The following MAPK8 variants were observed in gnomAD, a reference collection of about 807,000 sequenced individuals.
MAPK8 encodes the protein mitogen-activated protein kinase 8.
Under a neutral mutation model 52.9 loss-of-function variants are expected in MAPK8, and 13 were observed. The ratio of observed to expected loss-of-function variants is 0.25; its 90% CI spans 0.16 to 0.39. The LOEUF (loss-of-function observed/expected upper bound fraction) is 0.39. MAPK8 is among the 10% of genes least tolerant of loss of function. The pLI, the probability that MAPK8 is intolerant of heterozygous loss-of-function variation, is 1.00. For synonymous variants in MAPK8, 191 were observed against 169.8 expected (o/e 1.12, Z -0.97); for missense variants, 300 against 519.2 (o/e 0.58, Z 4.10).
intron 1 of MAPK8, among the ~76,000 whole-genome samples, chr10:48,359,286 A>C (rs1377672881): frequency 6.6e-6 from 1 of 152,158 alleles, no homozygotes; most frequent in African/African-American, 2.4e-5. Context: ...CAGCGGATCC[A>C]CAGGTTTTCA....
intron 1 of MAPK8, among the ~76,000 whole-genome samples, chr10:48,344,814 A>G (rs2132370679): frequency 6.6e-6 from 1 of 152,320 alleles, no homozygotes; most frequent in African/African-American, 2.4e-5. Flanking sequence ...AGACAAGGAA[A>G]GGTAAAATGC....
At chr10:48,417,787 T>G (rs893432752) in intron 5 of MAPK8, among the ~76,000 whole-genome samples, 17 of 152,220 alleles carry the variant, frequency 1.1e-4, no homozygotes, top group African/African-American at 2.2e-4. Context: ...AGGGGTCTAG[T>G]AGCATTTAGC....
intron 5 of MAPK8, among the ~76,000 whole-genome samples, chr10:48,414,418 C>A (rs1403029401): frequency 6.9e-6 from 1 of 144,628 alleles, no homozygotes; most frequent in East Asian, 2.0e-4. Flanking sequence ...TTAGTTAAAT[C>A]TAGCTTATTC....
At chr10:48,325,297 C>A (rs1015847787) in intron 1 of MAPK8, among the ~76,000 whole-genome samples, 3 of 152,148 alleles carry the variant, frequency 2.0e-5, no homozygotes, top group Non-Finnish European at 4.4e-5. Flanking sequence ...AAGACCTTTC[C>A]CTCTTGTCAA....
intron 1 of MAPK8, among the ~76,000 whole-genome samples, chr10:48,331,504 G>A (rs1451750157): frequency 6.6e-6 from 1 of 152,078 alleles, no homozygotes; most frequent in Admixed American, 6.5e-5. Context: ...TCCCTTCCAG[G>A]GTCTCTTTTA....
At chr10:48,353,875 T>C (rs567330664) in intron 1 of MAPK8, among the ~76,000 whole-genome samples, 6 of 152,076 alleles carry the variant, frequency 3.9e-5, no homozygotes, top group African/African-American at 1.4e-4. Context: ...AGGGATGGGG[T>C]TATGGGAACA....
intron 1 of MAPK8, among the ~76,000 whole-genome samples, chr10:48,380,594 C>T (rs779354473): frequency 9.9e-5 from 15 of 151,844 alleles, no homozygotes; most frequent in Non-Finnish European, 2.1e-4. Flanking sequence ...ATTAGCCGGG[C>T]GTGGTGGCAT....
chr10:48,364,339 G>C (rs1055322819), intron 1 of MAPK8, among the ~76,000 whole-genome samples: 1 of 151,858 alleles, frequency 6.6e-6, no homozygotes, highest in Non-Finnish European at 1.5e-5. Flanking sequence ...GCCAAATAAT[G>C]AGTATAATGA....
intron 1 of MAPK8, among the ~76,000 whole-genome samples, chr10:48,319,008 A>G (rs1488995620): frequency 6.6e-6 from 1 of 152,172 alleles, no homozygotes; most frequent in South Asian, 2.1e-4. Flanking sequence ...TCTGGTGACC[A>G]TAAGCAGGGA....
intron 2 of MAPK8, among the ~76,000 whole-genome samples, chr10:48,402,883 AT>A (rs1235761516): frequency 6.6e-6 from 1 of 152,210 alleles, no homozygotes; most frequent in African/African-American, 2.4e-5. Context: ...ATGCTGTGAA[AT>A]ACTATATAAC....
chr10:48,425,359 C>A, intron 7 of MAPK8: 1 of 466,292 alleles, frequency 2.1e-6, no homozygotes, highest in Non-Finnish European at 3.8e-6. Flanking sequence ...TTTTTTAAAC[C>A]TAAGCTAAAC....
rs539162576 is a variant in MAPK8 at position 48,373,571 on chromosome 10, C to CAAAAAAAAAAAAAAAAAAAAA, written c.-49-28034_-49-28014dup. On this transcript the variant is annotated intron_variant, in intron 1 of 11. Transcript: ENST00000374189. ...GAAGATTTACCAAGTAAATTGAAAGCAAAAAAAAAAAAAAAAAAAAAAAAA... is the reference window on the plus strand; with the variant it reads ...GAAGATTTACCAAGTAAATTGAAAGCAAAAAAAAAAAAAAAAAAAAAAAAAAAAAAAAAAAAAAAAAAAAAA... 4.2e-4 allele frequency among the ~76,000 whole-genome samples: 7 copies of CAAAAAAAAAAAAAAAAAAAAA among 16,844 alleles called. 2 individuals carry two copies. The highest frequency in any genetic ancestry group is 9.4e-4 in the African/African-American group (6 of 6,372). 11.1% of individuals were successfully genotyped at this position (16,844 alleles called of 152,430 possible). A position where few individuals can be genotyped will look rare whatever the true frequency, so the allele number is the denominator to read the frequency against.
chr10:48,372,593 G>C (rs939469072), intron 1 of MAPK8, among the ~76,000 whole-genome samples: 1 of 151,762 alleles, frequency 6.6e-6, no homozygotes. Context: ...AGTATCAATA[G>C]CTGAATCGAT....
intron 1 of MAPK8, among the ~76,000 whole-genome samples, chr10:48,385,458 G>A (rs1484146897): frequency 6.6e-6 from 1 of 152,118 alleles, no homozygotes; most frequent in Non-Finnish European, 1.5e-5. Flanking sequence ...CCATATGTAT[G>A]TTATTGAACC....
chr10:48,384,847 A>G (rs1019046904), intron 1 of MAPK8, among the ~76,000 whole-genome samples: 4 of 152,174 alleles, frequency 2.6e-5, no homozygotes, highest in Non-Finnish European at 5.9e-5. Context: ...AGAAATGTCA[A>G]CCTAAAGGGA....
At chr10:48,346,501 G>T (rs1252156599) in intron 1 of MAPK8, among the ~76,000 whole-genome samples, 1 of 152,240 alleles carries the variant, frequency 6.6e-6, no homozygotes, top group Non-Finnish European at 1.5e-5. Flanking sequence ...TCCAGCAGTA[G>T]CAAAAGGTGT....
At chr10:48,420,854 T>G (rs568004460) in intron 6 of MAPK8, among the ~76,000 whole-genome samples, 2 of 152,338 alleles carry the variant, frequency 1.3e-5, no homozygotes, top group South Asian at 4.1e-4. Flanking sequence ...CTTAAGGAAA[T>G]GACTTTTAGT....
At chr10:48,351,618 G>C (rs953373331) in intron 1 of MAPK8, among the ~76,000 whole-genome samples, 10 of 151,864 alleles carry the variant, frequency 6.6e-5, no homozygotes, top group Admixed American at 3.3e-4. Context: ...CAAATAAATA[G>C]GTAAAGAAAA....
chr10:48,341,439 G>A (rs1845250836), intron 1 of MAPK8, among the ~76,000 whole-genome samples: 1 of 152,190 alleles, frequency 6.6e-6, no homozygotes, highest in Non-Finnish European at 1.5e-5. Context: ...GCTTATTCAA[G>A]CATTTGGGAT....
Sources: gnomAD v4.1 joint callset for allele counts (sites outside exome capture counted in the v4.1 genomes callset) on GRCh38, gnomAD v4.1.1 for gene constraint, MANE v1.5 for transcripts, NCBI Gene and HGNC (gene_info 2026-07-23, HGNC 2026-07-21) for gene names.